RBPJ: variants seen among roughly 807,000 people sequenced by gnomAD.
RBPJ encodes the protein recombining binding protein suppressor of hairless.
Under a neutral mutation model 67.8 loss-of-function variants are expected in RBPJ, and 9 were observed. The observed-to-expected ratio is 0.13, with a 90% CI of 0.08 to 0.23. The LOEUF is 0.23. RBPJ is among the 10% of genes least tolerant of loss of function. The pLI is 1.00. For synonymous variants in RBPJ, 198 were observed against 203.3 expected, an observed-to-expected ratio of 0.97 and a Z score of 0.22; for missense variants, 305 against 595.6, an observed-to-expected ratio of 0.51 and a Z score of 5.08.
At chr4:26,139,693 G>A in the RBPJ span, among the ~76,000 whole-genome samples, 16 of 152,288 alleles carry the variant, frequency 1.1e-4, no homozygotes, top group African/African-American at 2.6e-4. Context: ...GGGGCCACAG[G>A]GGCCTCTGTT....
chr4:26,320,750 G>A (rs763573623), upstream of RBPJ: 1 of 1,552,544 alleles, frequency 6.4e-7, no homozygotes, highest in East Asian at 2.4e-5. Flanking sequence ...TAACCGGAGC[G>A]CTCCCCATGG....
chr4:26,169,288 C>A (rs9714881), intron 1 of RBPJ, among the ~76,000 whole-genome samples: 51,268 of 144,462 alleles, frequency 0.35, 7,270 homozygotes, highest in Non-Finnish European at 0.43. Context: ...TTCCTTCTAA[C>A]AGACAGGACC....
intron 2 of RBPJ, among the ~76,000 whole-genome samples, chr4:26,398,425 C>G (rs368297848): frequency 2.0e-5 from 3 of 152,164 alleles, no homozygotes; most frequent in Non-Finnish European, 2.9e-5. Flanking sequence ...AATGTCCTAG[C>G]GGGAGATGTG....
intron 1 of RBPJ, among the ~76,000 whole-genome samples, chr4:26,355,430 A>G (rs2109465184): frequency 6.6e-6 from 1 of 151,042 alleles, no homozygotes; most frequent in Non-Finnish European, 1.5e-5. Flanking sequence ...GTAGGATTGC[A>G]TGTGTCCAGG....
At chr4:26,385,072 G>A (rs544015142) in intron 1 of RBPJ, among the ~76,000 whole-genome samples, 1 of 144,906 alleles carries the variant, frequency 6.9e-6, no homozygotes, top group East Asian at 2.0e-4. Flanking sequence ...TCATGCTGGA[G>A]TGCAGTGGCG....
chr4:26,408,480 T>C (rs1031656862), intron 3 of RBPJ, among the ~76,000 whole-genome samples: 5 of 152,140 alleles, frequency 3.3e-5, no homozygotes, highest in Non-Finnish European at 7.4e-5. Context: ...TAGCAAGTTT[T>C]CTGCTTTTTA....
chr4:26,239,111 C>G (rs550183674), intron 1 of RBPJ, among the ~76,000 whole-genome samples: 4 of 152,312 alleles, frequency 2.6e-5, no homozygotes, highest in African/African-American at 7.2e-5. Context: ...AGCCTAACTT[C>G]CAAGACCTGC....
chr4:26,279,390 C>G (rs1352491707), intron 1 of RBPJ, among the ~76,000 whole-genome samples: 2 of 152,190 alleles, frequency 1.3e-5, no homozygotes, highest in Non-Finnish European at 2.9e-5. Flanking sequence ...AAGCAATTCT[C>G]CTGTCTCAGC....
At chr4:26,339,391 T>C (rs886590686) in intron 1 of RBPJ, among the ~76,000 whole-genome samples, 11 of 152,130 alleles carry the variant, frequency 7.2e-5, no homozygotes, top group African/African-American at 1.4e-4. Flanking sequence ...CCCAGCACTT[T>C]GGGAGGCCAA....
chr4:26,192,296 T>A (rs548119306), intron 1 of RBPJ, among the ~76,000 whole-genome samples: 1 of 152,318 alleles, frequency 6.6e-6, no homozygotes, highest in South Asian at 2.1e-4. Context: ...TGTGAGCCAC[T>A]GTGCCCAGCC....
Position 26,430,607 on chromosome 4 carries a change from A to G in RBPJ, c.1148+85A>G, listed in dbSNP as rs1736120687. The G allele has an allele frequency of 5.2e-6, 8 of 1,540,018 alleles. No individual in the cohort carries two copies. The highest frequency in any genetic ancestry group is 1.4e-5 in the African/African-American group (1 of 73,056). ...TCTTTCCTGGCACTGATTGTAATGT[A>G]TTAAACAACCTTGTGTTAAGTCTCA... On this transcript the variant is annotated intron_variant, in intron 10 of 10. Transcript: ENST00000355476. The surrounding 1 kb of genome is among the most constrained non-coding windows in gnomAD (Gnocchi z 4.1).
chr4:26,202,843 A>C (rs1049400759), intron 1 of RBPJ, among the ~76,000 whole-genome samples: 9 of 151,826 alleles, frequency 5.9e-5, no homozygotes, highest in African/African-American at 2.2e-4. Flanking sequence ...CAGGAGGTGG[A>C]GGTTGCAGTG....
rs1736080489 is a variant in RBPJ, at chr4:26,430,227, A to T, written c.1044+174A>T. 1.1e-6 allele frequency: 1 copy of T among 870,788 alleles called. No homozygotes were observed. The highest frequency in any genetic ancestry group is 1.7e-5 in the African/African-American group (1 of 58,378). The allele number at this position is 870,788 out of a possible 1,614,324, so 53.9% of individuals were successfully genotyped here. ...AAAAAAACAAAATTAGGAGGAGCGT[A>T]CTTGCCAGAAAATTTAAATGTAAAT... is the stretch of plus-strand genomic sequence containing the variant. On this transcript the variant is annotated intron_variant, in intron 9 of 10. Transcript: ENST00000355476. The surrounding 1 kb of genome is among the most constrained non-coding windows in gnomAD (Gnocchi z 4.1).
intron 1 of RBPJ, among the ~76,000 whole-genome samples, chr4:26,376,648 G>A (rs4692532): frequency 2.0e-5 from 3 of 152,004 alleles, no homozygotes; most frequent in African/African-American, 7.3e-5. Flanking sequence ...ATATGCTCAG[G>A]AGTGGAACTG....
chr4:26,245,882 A>G (rs1719913293), intron 1 of RBPJ, among the ~76,000 whole-genome samples: 1 of 152,196 alleles, frequency 6.6e-6, no homozygotes, highest in Non-Finnish European at 1.5e-5. Flanking sequence ...GTACATATCT[A>G]GGCTTATTTC....
chr4:26,205,021 C>T (rs1007360956), intron 1 of RBPJ, among the ~76,000 whole-genome samples: 1 of 152,146 alleles, frequency 6.6e-6, no homozygotes, highest in Non-Finnish European at 1.5e-5. Context: ...GCGCCAGGGG[C>T]CACGTGGCTG....
chr4:26,131,320 A>G, the RBPJ span, among the ~76,000 whole-genome samples: 1 of 152,204 alleles, frequency 6.6e-6, no homozygotes, highest in African/African-American at 2.4e-5. Context: ...TCATGAGATC[A>G]ATTTAGTAAG....
chr4:26,360,583 G>A (rs930458698), intron 1 of RBPJ, among the ~76,000 whole-genome samples: 1 of 130,304 alleles, frequency 7.7e-6, no homozygotes, highest in Non-Finnish European at 1.6e-5. Flanking sequence ...TTTCTAGACA[G>A]TTTCATAGGT....
upstream of RBPJ, among the ~76,000 whole-genome samples, chr4:26,159,450 C>G (rs1716038122): frequency 6.6e-6 from 1 of 152,180 alleles, no homozygotes; most frequent in Admixed American, 6.5e-5. Context: ...AACTCCACAG[C>G]CTTCTCCAGC....
Sources: allele counts gnomAD v4.1 joint callset (sites outside exome capture counted in the v4.1 genomes callset), GRCh38; gene constraint gnomAD v4.1.1; non-coding constraint Gnocchi (gnomAD v3.1); transcripts MANE v1.5; gene names NCBI Gene and HGNC (gene_info 2026-07-23, HGNC 2026-07-21).